JAZF1: variants seen among roughly 807,000 people sequenced by gnomAD.
The protein encoded by JAZF1 is juxtaposed with another zinc finger protein 1.
A neutral mutation model predicts 26.4 loss-of-function variants in JAZF1; 8 were observed. That is an observed-to-expected ratio of 0.30 (90% CI 0.18 to 0.55). The LOEUF is 0.55. JAZF1 is among the 20% of genes least tolerant of loss of function. The pLI is 0.94. For synonymous variants in JAZF1, 126 were observed against 122.3 expected (o/e 1.03, Z -0.20); for missense variants, 199 against 322.0 (o/e 0.62, Z 2.92).
intron 3 of JAZF1, among the ~76,000 whole-genome samples, chr7:27,874,897 T>C (rs1176649262): frequency 2.0e-5 from 3 of 152,080 alleles, no homozygotes; most frequent in Non-Finnish European, 2.9e-5. Flanking sequence ...CTACAGATGA[T>C]GTTGGACCGG....
chr7:27,911,969 GA>G (rs1424238285), intron 2 of JAZF1, among the ~76,000 whole-genome samples: 1 of 152,168 alleles, frequency 6.6e-6, no homozygotes, highest in Non-Finnish European at 1.5e-5. Flanking sequence ...GATCTGAAAT[GA>G]AAAAGTACAT....
chr7:28,118,916 C>T (rs1311400042), intron 1 of JAZF1, among the ~76,000 whole-genome samples: 1 of 152,132 alleles, frequency 6.6e-6, no homozygotes, highest in African/African-American at 2.4e-5. Flanking sequence ...GATATCTTAC[C>T]AGATAAATAG....
chr7:28,070,308 G>A (rs969249411), intron 1 of JAZF1, among the ~76,000 whole-genome samples: 1 of 152,088 alleles, frequency 6.6e-6, no homozygotes, highest in East Asian at 1.9e-4. Context: ...TGATCTGATT[G>A]GTTCTCATCC....
intron 2 of JAZF1, among the ~76,000 whole-genome samples, chr7:27,943,910 C>A (rs954585282): frequency 6.6e-6 from 1 of 152,118 alleles, no homozygotes; most frequent in Non-Finnish European, 1.5e-5. Context: ...GGGAATAAAG[C>A]CTTGTGGGTT....
intron 1 of JAZF1, among the ~76,000 whole-genome samples, chr7:27,994,482 C>A (rs945515077): frequency 4.0e-5 from 6 of 150,488 alleles, no homozygotes; most frequent in African/African-American, 9.8e-5. Context: ...CACACACACA[C>A]AAAAAACCAT....
chr7:28,036,577 T>C (rs962312501), intron 1 of JAZF1, among the ~76,000 whole-genome samples: 1 of 152,060 alleles, frequency 6.6e-6, no homozygotes, highest in African/African-American at 2.4e-5. Flanking sequence ...CTGGAGGAGG[T>C]AGGGTCATCT....
At chr7:28,139,689 T>C (rs1403574016) in intron 1 of JAZF1, among the ~76,000 whole-genome samples, 1 of 152,242 alleles carries the variant, frequency 6.6e-6, no homozygotes, top group East Asian at 1.9e-4. Context: ...ACTCAGTTTA[T>C]GGTACAGTTA....
chr7:27,925,882 C>T (rs2128348915), intron 2 of JAZF1, among the ~76,000 whole-genome samples: 1 of 152,332 alleles, frequency 6.6e-6, no homozygotes, highest in South Asian at 2.1e-4. Flanking sequence ...TCTGGGAAGC[C>T]ACTTGAATGA....
At chr7:28,081,268 C>T (rs368003006) in intron 1 of JAZF1, among the ~76,000 whole-genome samples, 1 of 152,116 alleles carries the variant, frequency 6.6e-6, no homozygotes, top group Non-Finnish European at 1.5e-5. Context: ...AATCACATAA[C>T]GATGAGGAAG....
At chr7:28,046,590 T>C (rs538586581) in intron 1 of JAZF1, among the ~76,000 whole-genome samples, 7 of 152,200 alleles carry the variant, frequency 4.6e-5, no homozygotes, top group Non-Finnish European at 7.3e-5. Context: ...AAATAGCCTA[T>C]GTAAATCTAC....
chr7:28,090,830 T>A (rs1454841506), intron 1 of JAZF1, among the ~76,000 whole-genome samples: 1 of 146,532 alleles, frequency 6.8e-6, no homozygotes, highest in Non-Finnish European at 1.5e-5. Flanking sequence ...TTTTTTTTTT[T>A]TTTTTTTGAG....
chr7:27,900,959 T>C (rs10258887), intron 2 of JAZF1, among the ~76,000 whole-genome samples: 12,224 of 152,050 alleles, frequency 0.08, 560 homozygotes, highest in African/African-American at 0.12. Flanking sequence ...ATTTTTGATG[T>C]TTCCTGTGTA....
chr7:28,049,866 T>G (rs1387260954), intron 1 of JAZF1, among the ~76,000 whole-genome samples: 1 of 152,114 alleles, frequency 6.6e-6, no homozygotes, highest in African/African-American at 2.4e-5. Context: ...CCAGCACCTT[T>G]CTATGTTCAC....
At chr7:28,071,184 C>A (rs535676149) in intron 1 of JAZF1, among the ~76,000 whole-genome samples, 8 of 152,342 alleles carry the variant, frequency 5.3e-5, no homozygotes, top group African/African-American at 1.7e-4. Flanking sequence ...AAAGATCCAA[C>A]TAGGTGTAGC....
intron 1 of JAZF1, among the ~76,000 whole-genome samples, chr7:28,000,596 CT>C (rs1370526836): frequency 1.1e-5 from 1 of 94,710 alleles, no homozygotes; most frequent in Admixed American, 1.1e-4. Context: ...CTCCTATTTT[CT>C]TTTTCTTTCT....
intron 1 of JAZF1, among the ~76,000 whole-genome samples, chr7:28,084,995 T>C (rs902400872): frequency 6.6e-6 from 1 of 152,176 alleles, no homozygotes; most frequent in African/African-American, 2.4e-5. Context: ...CAGGACTCTG[T>C]AGAGTCCCCA....
At chr7:28,142,218 G>C (rs779812756) in intron 1 of JAZF1, among the ~76,000 whole-genome samples, 1 of 152,154 alleles carries the variant, frequency 6.6e-6, no homozygotes, top group African/African-American at 2.4e-5. Flanking sequence ...GGAGCTCAGT[G>C]AAATTCCTGG....
intron 1 of JAZF1, among the ~76,000 whole-genome samples, chr7:28,070,628 CTCT>C (rs1174304327): frequency 2.6e-5 from 4 of 152,218 alleles, no homozygotes; most frequent in Non-Finnish European, 5.9e-5. Context: ...AATCATCTAG[CTCT>C]TCTTAGACTT....
At chr7:27,913,170 G>C (rs554206939) in intron 2 of JAZF1, among the ~76,000 whole-genome samples, 25 of 151,388 alleles carry the variant, frequency 1.7e-4, no homozygotes, top group Admixed American at 1.4e-3. Flanking sequence ...TGGGACCAAA[G>C]GGAGGTCAAT....
Sources: allele counts gnomAD v4.1 joint callset (sites outside exome capture counted in the v4.1 genomes callset), GRCh38; gene constraint gnomAD v4.1.1; transcripts MANE v1.5; gene names NCBI Gene and HGNC (gene_info 2026-07-23, HGNC 2026-07-21).